The following PTPN20 variants were observed in gnomAD, a reference collection of about 807,000 sequenced individuals.
PTPN20 encodes the protein protein tyrosine phosphatase non-receptor type 20.
PTPN20 carries 9 observed loss-of-function variants against 35.0 expected under a neutral mutation model. The observed-to-expected ratio is 0.26, with a 90% confidence interval of 0.15 to 0.45. The LOEUF (loss-of-function observed/expected upper bound fraction) is 0.45, where lower values mean the gene tolerates loss of function less well. Ranked by LOEUF, PTPN20 falls within the 20% of genes least tolerant of loss-of-function variation. The probability of loss-of-function intolerance (pLI) is 1.00; values close to 1 mark genes in which losing one functional copy is unlikely to be tolerated. For synonymous variants in PTPN20, 32 were observed against 100.2 expected, an observed-to-expected ratio of 0.32 and a Z score of 4.06; for missense variants, 111 against 312.5, an observed-to-expected ratio of 0.36 and a Z score of 4.86.
At position 46,999,880 on chromosome 10, in the gene PTPN20, G is replaced by A. The variant is rs377102794; in HGVS notation, c.1135-32G>A. The stretch of plus-strand genomic sequence containing the variant: ...TGAATTTGTGTTTTTCCCCCATGTG[G>A]ATCATACAAAATTACTGTCATCTTA... On this transcript the variant is annotated intron_variant, in intron 9 of 10. Transcript: ENST00000374339. The A allele has an allele frequency of 3.2e-5, 52 of 1,612,434 alleles. No homozygotes were observed. In the African/African-American group the frequency reaches 6.3e-4, roughly 19 times the overall value.
At chr10:46,954,970 A>G (rs1250085081) in intron 5 of PTPN20, 2 of 151,622 alleles carry the variant, frequency 1.3e-5, no homozygotes, top group African/African-American at 4.9e-5. Context: ...TTTTAAAAAT[A>G]TAACAACTAT....
At chr10:46,982,930 GCT>G (rs1589836008) in intron 7 of PTPN20, among the ~76,000 whole-genome samples, 1 of 151,936 alleles carries the variant, frequency 6.6e-6, no homozygotes, top group East Asian at 1.9e-4. Context: ...AATAATTAAT[GCT>G]CTCTTGAATT....
chr10:46,998,909 C>T (rs2059615291), intron 9 of PTPN20, among the ~76,000 whole-genome samples: 1 of 143,390 alleles, frequency 7.0e-6, no homozygotes, highest in Non-Finnish European at 1.5e-5. Flanking sequence ...CACTTTAGGC[C>T]AGGAGTTTGA....
At chr10:46,977,349 T>C (rs1165493160) in intron 7 of PTPN20, among the ~76,000 whole-genome samples, 9 of 152,296 alleles carry the variant, frequency 5.9e-5, no homozygotes, top group African/African-American at 1.7e-4. Flanking sequence ...TACAGCCTAT[T>C]GATTCTATTT....
At chr10:47,003,593 C>T (rs1031465960), downstream of PTPN20, among the ~76,000 whole-genome samples, 42 of 152,222 alleles carry the variant, frequency 2.8e-4, no homozygotes, top group African/African-American at 9.1e-4. Flanking sequence ...AACTATGGCC[C>T]ACAGGCCATA....
chr10:46,995,667 G>C (rs35159445), intron 9 of PTPN20, among the ~76,000 whole-genome samples: 1 of 151,854 alleles, frequency 6.6e-6, no homozygotes, highest in African/African-American at 2.4e-5. Flanking sequence ...TCTTCTCAGG[G>C]TATTTCTTTC....
At chr10:46,992,670 A>C (rs2058223039) in intron 9 of PTPN20, among the ~76,000 whole-genome samples, 2 of 152,252 alleles carry the variant, frequency 1.3e-5, no homozygotes, top group South Asian at 4.1e-4. Flanking sequence ...CTGTCTCCTG[A>C]ATCTCATTAA....
chr10:46,940,085 G>A (rs1275128656), intron 2 of PTPN20, among the ~76,000 whole-genome samples: 1 of 151,228 alleles, frequency 6.6e-6, no homozygotes, highest in Non-Finnish European at 1.5e-5. Context: ...ACAGTAATTA[G>A]GAATAATCAT....
rs2059972845 is a variant in PTPN20, at chr10:47,000,963, T to A, written c.*222T>A. On this transcript the variant is annotated 3_prime_UTR_variant, in exon 11 of 11. Coordinates refer to ENST00000374339, the MANE Select transcript of PTPN20 (RefSeq NM_001042357.5). The stretch of plus-strand genomic sequence containing the variant: ...CTTGCTAGACAATATCAAAATAACT[T>A]CCCACATTTTCCAGTGAAACAGATG... The A allele has an allele frequency of 1.7e-6, 1 of 600,322 alleles. No individual in the cohort carries two copies. The highest frequency in any genetic ancestry group is 3.0e-5 in the Admixed American group (1 of 33,076). The allele number at this position is 600,322 out of a possible 1,614,324, so 37.2% of individuals were successfully genotyped here.
chr10:46,920,427 G>A (rs1301671299), intron 1 of PTPN20, among the ~76,000 whole-genome samples: 4 of 146,652 alleles, frequency 2.7e-5, no homozygotes, highest in Non-Finnish European at 4.4e-5. Context: ...AAATGTGTTC[G>A]TGTAAGACAG....
At chr10:46,952,797 G>A (rs1315471074) in intron 5 of PTPN20, among the ~76,000 whole-genome samples, 34 of 151,966 alleles carry the variant, frequency 2.2e-4, no homozygotes, top group South Asian at 8.3e-4. Context: ...CGTATTCCTC[G>A]TTACTCCATT....
intron 6 of PTPN20, among the ~76,000 whole-genome samples, chr10:46,966,435 T>A (rs2050680450): frequency 6.6e-6 from 1 of 151,954 alleles, no homozygotes; most frequent in African/African-American, 2.4e-5. Context: ...GAATGCTTCT[T>A]TTACTCTAGG....
chr10:46,920,268 T>C (rs1450549978), intron 1 of PTPN20, among the ~76,000 whole-genome samples: 1 of 93,994 alleles, frequency 1.1e-5, no homozygotes, highest in Non-Finnish European at 2.0e-5. Flanking sequence ...TTTATATAGA[T>C]AGATATTCCT....
rs546273665 is a variant in PTPN20, at chr10:46,930,115, A to G, written c.-123-2262A>G. ...GTTTATTAAAATACTAGGATTAGGC[A>G]TGCATTTCTGATCAAAGCTGTTCTG... is the stretch of plus-strand genomic sequence containing the variant. On this transcript the variant is annotated intron_variant, in intron 1 of 10. Transcript: ENST00000374339. 3.0e-3 allele frequency among the ~76,000 whole-genome samples: 427 copies of G among 143,066 alleles called. 6 individuals are homozygous for G. The highest frequency in any genetic ancestry group is 6.0e-3 in the Admixed American group (89 of 14,796). 93.9% of individuals were successfully genotyped at this position (143,066 alleles called of 152,430 possible).
At chr10:46,977,286 G>A in intron 7 of PTPN20, among the ~76,000 whole-genome samples, 1 of 152,402 alleles carries the variant, frequency 6.6e-6, no homozygotes, top group East Asian at 1.9e-4. Flanking sequence ...TGACTTGCCA[G>A]TCCCCACAAT....
At chr10:46,932,689 G>T (rs1475103020) in intron 2 of PTPN20, among the ~76,000 whole-genome samples, 156 bp downstream of exon 2, 67 of 151,804 alleles carry the variant, frequency 4.4e-4, no homozygotes, top group African/African-American at 1.5e-3. Context: ...GCAAGACTCT[G>T]CATTTCTAAT....
Position 46,998,975 on chromosome 10 carries a change from G to A in PTPN20, c.1135-937G>A, listed in dbSNP as rs529799713. On this transcript the variant is annotated intron_variant, in intron 9 of 10. Coordinates refer to ENST00000374339, the MANE Select transcript of PTPN20 (RefSeq NM_001042357.5). ...AAAAGTTAGCTGGGCATGGTGGAAC[G>A]CACCTATAGTTCTTGCTACTCAGGA... is the stretch of plus-strand genomic sequence containing the variant. Among the ~76,000 whole-genome samples, 385 of 152,188 alleles carry A rather than the reference G, an allele frequency of 2.5e-3. 5 individuals carry two copies. Among genetic ancestry groups the A allele is most frequent in the South Asian group, 5.6e-3 (27 of 4,812 alleles).
intron 7 of PTPN20, among the ~76,000 whole-genome samples, chr10:46,983,065 CTTTTTT>C (rs74898545): frequency 3.9e-5 from 4 of 101,910 alleles, no homozygotes; most frequent in South Asian, 3.7e-4. Flanking sequence ...ATATATCTAG[CTTTTTT>C]TTTTTTTTTT....
intron 9 of PTPN20, among the ~76,000 whole-genome samples, chr10:46,990,450 GTTAT>G (rs1348541003): frequency 3.6e-5 from 4 of 111,778 alleles, no homozygotes; most frequent in African/African-American, 1.2e-4. Context: ...TCTGATTTTG[GTTAT>G]TTGTTTTCTT....
Sources: gnomAD v4.1 joint callset for allele counts (sites outside exome capture counted in the v4.1 genomes callset) on GRCh38, gnomAD v4.1.1 for gene constraint, MANE v1.5 for transcripts, NCBI Gene and HGNC (gene_info 2026-07-23, HGNC 2026-07-21) for gene names.